The following GDPD1 variants were observed in gnomAD, a reference collection of about 807,000 sequenced individuals.
GDPD1 encodes lysophospholipase D GDPD1.
GDPD1 carries 28 observed loss-of-function variants against 45.1 expected under a neutral mutation model. The ratio of observed to expected loss-of-function variants is 0.62; its 90% CI spans 0.46 to 0.85. The LOEUF is 0.85. GDPD1 is among the 40% of genes least tolerant of loss of function. The pLI, the probability that GDPD1 is intolerant of heterozygous loss-of-function variation, is 0.00. For missense variants in GDPD1, 256 were observed against 364.8 expected (o/e 0.70, Z 2.43); for synonymous variants, 139 against 131.4 (o/e 1.06, Z -0.40).
chr17:59,256,180 G>A lies in GDPD1; in HGVS notation c.368-942G>A, dbSNP rs138167396. 5.2e-3 allele frequency among the ~76,000 whole-genome samples: 785 copies of A among 151,976 alleles called. 11 individuals carry two copies. The highest frequency in any genetic ancestry group is 0.018 in the African/African-American group (738 of 41,442). ...AAAACTACAAAAAAATTAGCCGAGC[G>A]TGATGGTGCTCCTGTAGTTCCAGCT... On this transcript the variant is annotated intron_variant, in intron 4 of 9. Coordinates refer to ENST00000284116, the MANE Select transcript of GDPD1 (RefSeq NM_182569.4).
intron 1 of GDPD1, among the ~76,000 whole-genome samples, chr17:59,222,425 C>G (rs535095292): frequency 1.3e-3 from 188 of 147,866 alleles, no homozygotes; most frequent in Non-Finnish European, 2.4e-3. Flanking sequence ...CCAGGATGGT[C>G]TCGATTTCCT....
At chr17:59,225,367 G>A (rs1013292938) in intron 1 of GDPD1, among the ~76,000 whole-genome samples, 1 of 151,988 alleles carries the variant, frequency 6.6e-6, no homozygotes, top group African/African-American at 2.4e-5. Flanking sequence ...ACCTCCCATA[G>A]TGCTAGGATT....
At chr17:59,252,728 G>T (rs542942530) in intron 4 of GDPD1, among the ~76,000 whole-genome samples, 3 of 151,230 alleles carry the variant, frequency 2.0e-5, no homozygotes, top group East Asian at 2.0e-4. Flanking sequence ...GGCCTGGTGC[G>T]GTGGCTCACG....
At position 59,234,476 on chromosome 17, in the gene GDPD1, G is replaced by C. The variant is rs1269412259; in HGVS notation, c.143-16G>C. On this transcript the variant is annotated splice_polypyrimidine_tract_variant and intron_variant, in intron 1 of 9. Coordinates refer to ENST00000284116, the MANE Select transcript of GDPD1 (RefSeq NM_182569.4). Reference sequence around the variant, plus strand: ...AAAATGTTCAAAATAAGTAAATATAGTTTAAATTTTCACAGGTGCTGGAGA... The same window carrying C: ...AAAATGTTCAAAATAAGTAAATATACTTTAAATTTTCACAGGTGCTGGAGA... The C allele has an allele frequency of 1.3e-6, 2 of 1,522,076 alleles. No homozygotes were observed. Among genetic ancestry groups the C allele is most frequent in the Non-Finnish European group, 1.8e-6 (2 of 1,100,918 alleles). 94.3% of individuals were successfully genotyped at this position (1,522,076 alleles called of 1,614,324 possible).
chr17:59,253,754 C>T (rs1277392126), intron 4 of GDPD1, among the ~76,000 whole-genome samples: 1 of 151,842 alleles, frequency 6.6e-6, no homozygotes, highest in Admixed American at 6.6e-5. Flanking sequence ...CGTGAAGTCC[C>T]GGAGAAAGAC....
intron 3 of GDPD1, among the ~76,000 whole-genome samples, chr17:59,245,788 C>G (rs137869310): frequency 3.4e-4 from 51 of 152,112 alleles, no homozygotes; most frequent in African/African-American, 1.2e-3. Flanking sequence ...AGTTTGAGAT[C>G]AGGCTAGGCG....
intron 2 of GDPD1, among the ~76,000 whole-genome samples, chr17:59,235,117 A>G (rs2047121745): frequency 1.3e-5 from 2 of 152,160 alleles, no homozygotes; most frequent in African/African-American, 4.8e-5. Context: ...CTTAGAGTCA[A>G]TGATTATCAT....
intron 3 of GDPD1, among the ~76,000 whole-genome samples, chr17:59,246,515 C>T (rs2047212415): frequency 6.6e-6 from 1 of 151,274 alleles, no homozygotes; most frequent in Non-Finnish European, 1.5e-5. Flanking sequence ...TCGGGACCGC[C>T]CTGGCCAACA....
chr17:59,231,069 A>C (rs930028177), intron 1 of GDPD1, among the ~76,000 whole-genome samples: 1 of 152,186 alleles, frequency 6.6e-6, no homozygotes. Flanking sequence ...ATGGGTCACC[A>C]GGGACATCTT....
Position 59,261,088 on chromosome 17 carries a change from C to A in GDPD1, c.576+3248C>A, listed in dbSNP as rs1033451689. ...TCAAGAGGTTCTCCTGCCTCAGACT[C>A]CCGACTAGCTGGGATTGCAGGTGCG... On this transcript the variant is annotated intron_variant, in intron 6 of 9. Coordinates refer to ENST00000284116, the MANE Select transcript of GDPD1 (RefSeq NM_182569.4). 2.6e-5 allele frequency among the ~76,000 whole-genome samples: 4 copies of A among 152,156 alleles called. No individual in the cohort carries two copies. The South Asian group carries it at 8.3e-4, about 31-fold the overall frequency.
intron 1 of GDPD1, among the ~76,000 whole-genome samples, chr17:59,227,018 CTCTT>C (rs1185121774): frequency 1.8e-4 from 27 of 152,052 alleles, no homozygotes; most frequent in African/African-American, 6.3e-4. Flanking sequence ...ATTGAATTGT[CTCTT>C]TCTATTAAGA....
intron 6 of GDPD1, among the ~76,000 whole-genome samples, chr17:59,262,189 G>A (rs1241603785): frequency 6.6e-6 from 1 of 151,820 alleles, no homozygotes; most frequent in Admixed American, 6.6e-5. Flanking sequence ...CAAAGTGCTG[G>A]GATTACAGGC....
chr17:59,234,387 CAA>C (rs930872669), intron 1 of GDPD1, 103 bp from the exon 2 acceptor site: 1,402 of 563,132 alleles, frequency 2.5e-3, no homozygotes, highest in Middle Eastern at 5.0e-3. Context: ...TGTCTACCCC[CAA>C]AAAAAAAAAA....
At chr17:59,235,544 G>A (rs1247784639) in intron 2 of GDPD1, among the ~76,000 whole-genome samples, 1 of 152,064 alleles carries the variant, frequency 6.6e-6, no homozygotes, top group African/African-American at 2.4e-5. Context: ...AGGCATGGTG[G>A]CTCACACCTG....
At chr17:59,231,516 C>T (rs957101894) in intron 1 of GDPD1, among the ~76,000 whole-genome samples, 2 of 151,414 alleles carry the variant, frequency 1.3e-5, no homozygotes, top group Admixed American at 6.6e-5. Flanking sequence ...TTAGTAGAGA[C>T]GGGGTTTCAC....
chr17:59,221,987 A>G (rs2047008774), intron 1 of GDPD1, among the ~76,000 whole-genome samples: 1 of 152,092 alleles, frequency 6.6e-6, no homozygotes, highest in Non-Finnish European at 1.5e-5. Context: ...TAGCCTTCCC[A>G]CTCATGAAAA....
Position 59,257,156 on chromosome 17 carries a change from A to G in GDPD1, c.402A>G (p.Pro134=). The part of the protein sequence containing the change: ...CQCEGKDNRI[P]LLKEVFEAFP... ...GTGAAGGAAAAGATAACCGAATTCC[A>G]TTACTGAAGGAAGTTTTTGAGGCCT... is the stretch of plus-strand genomic sequence containing the variant. Residue 134 remains proline, a synonymous_variant, in exon 5 of 10, where the codon CCA becomes CCG. Coordinates refer to ENST00000284116, the MANE Select transcript of GDPD1 (RefSeq NM_182569.4). 1 of 1,604,928 alleles carries G rather than the reference A, an allele frequency of 6.2e-7. No individual in the cohort carries two copies. Among genetic ancestry groups the G allele is most frequent in the Non-Finnish European group, 8.5e-7 (1 of 1,174,894 alleles).
At chr17:59,256,651 A>C (rs904038194) in intron 4 of GDPD1, among the ~76,000 whole-genome samples, 8 of 152,174 alleles carry the variant, frequency 5.3e-5, no homozygotes, top group Non-Finnish European at 1.2e-4. Flanking sequence ...TTATGATAGA[A>C]TCAGATCGGT....
intron 6 of GDPD1, among the ~76,000 whole-genome samples, chr17:59,259,801 T>G (rs2047340049): frequency 6.7e-6 from 1 of 150,204 alleles, no homozygotes; most frequent in South Asian, 2.1e-4. Context: ...CTCACACCCC[T>G]GTAATCCCAG....
Sources: allele counts gnomAD v4.1 joint callset (sites outside exome capture counted in the v4.1 genomes callset), GRCh38; gene constraint gnomAD v4.1.1; transcripts MANE v1.5; gene names NCBI Gene and HGNC (gene_info 2026-07-23, HGNC 2026-07-21).